Variants in FRMD6 observed in about 807,000 individuals in gnomAD.
FRMD6 encodes the protein FERM domain-containing protein 6.
A neutral mutation model predicts 73.2 loss-of-function variants in FRMD6; 37 were observed. The observed-to-expected ratio is 0.51, with a 90% confidence interval of 0.39 to 0.66. FRMD6 has a LOEUF of 0.66. Among genes scored for constraint, FRMD6 ranks in the 30% least tolerant of loss-of-function variants. FRMD6 has a pLI of 0.00. For missense variants in FRMD6, 714 were observed against 780.5 expected (o/e 0.91, Z 1.02); for synonymous variants, 273 against 282.2 (o/e 0.97, Z 0.33).
chr14:51,469,273 TA>T, the FRMD6 span, among the ~76,000 whole-genome samples: 4 of 151,176 alleles, frequency 2.6e-5, no homozygotes, highest in Admixed American at 2.6e-4. Flanking sequence ...TTTATTTATT[TA>T]TTTATTTTTT....
the FRMD6 span, among the ~76,000 whole-genome samples, chr14:51,459,882 C>CTTTTTTTTTTT: frequency 1.3e-4 from 3 of 23,430 alleles, no homozygotes; most frequent in African/African-American, 6.5e-4. Context: ...ATTACTGACT[C>CTTTTTTTTTTT]TCTTTTTTTT....
intron 1 of FRMD6, among the ~76,000 whole-genome samples, chr14:51,544,171 C>T (rs1174958625): frequency 3.9e-5 from 6 of 151,902 alleles, no homozygotes; most frequent in African/African-American, 1.4e-4. Context: ...TATGTAACTC[C>T]AACAGATAAG....
intron 11 of FRMD6, among the ~76,000 whole-genome samples, chr14:51,721,276 A>G (rs928438445): frequency 2.6e-5 from 4 of 152,230 alleles, no homozygotes; most frequent in Non-Finnish European, 5.9e-5. Flanking sequence ...TGGGCAAATT[A>G]TAGTATTAAA....
intron 1 of FRMD6, among the ~76,000 whole-genome samples, chr14:51,568,030 AT>A (rs1399679646): frequency 6.6e-6 from 1 of 152,258 alleles, no homozygotes; most frequent in African/African-American, 2.4e-5. Context: ...ACAAGTTAAC[AT>A]CTGTAGGCAT....
the FRMD6 span, among the ~76,000 whole-genome samples, chr14:51,440,645 T>C: frequency 0.55 from 82,942 of 151,934 alleles, 23,082 homozygotes; most frequent in East Asian, 0.68. Context: ...AAGGATGGGC[T>C]ATAGGACATA....
the FRMD6 span, among the ~76,000 whole-genome samples, chr14:51,428,137 C>G: frequency 2.0e-5 from 3 of 152,132 alleles, no homozygotes; most frequent in African/African-American, 4.8e-5. Flanking sequence ...CATACTCAAA[C>G]TTTTCAAGTG....
At chr14:51,521,722 A>G (rs1276473369) in intron 1 of FRMD6, among the ~76,000 whole-genome samples, 6 of 152,128 alleles carry the variant, frequency 3.9e-5, no homozygotes, top group Admixed American at 3.3e-4. Flanking sequence ...AGGCAGGAAA[A>G]AAAAAAAAGG....
chr14:51,677,428 G>A (rs1405640892), intron 1 of FRMD6, among the ~76,000 whole-genome samples: 2 of 151,944 alleles, frequency 1.3e-5, no homozygotes, highest in Non-Finnish European at 2.9e-5. Context: ...ATGAATGAGG[G>A]AATCAAAGAT....
chr14:51,698,092 G>A, intron 2 of FRMD6, 50 bp from the exon 3 acceptor site: 2 of 1,360,362 alleles, frequency 1.5e-6, no homozygotes, highest in Non-Finnish European at 2.1e-6. Flanking sequence ...TGGCTCCCTG[G>A]GTGGACTTAG....
chr14:51,547,603 G>A (rs1886548135), intron 1 of FRMD6: 1 of 152,198 alleles, frequency 6.6e-6, no homozygotes, highest in African/African-American at 2.4e-5. Context: ...GACGCTTATT[G>A]AGTATGGAGT....
intron 11 of FRMD6, 79 bp from the exon 12 acceptor site, chr14:51,721,870 C>A (rs1354833834): frequency 6.6e-7 from 1 of 1,505,942 alleles, no homozygotes; most frequent in Non-Finnish European, 9.1e-7. Flanking sequence ...ATTACATAGC[C>A]ACCCTCAAAA....
intron 2 of FRMD6, among the ~76,000 whole-genome samples, chr14:51,645,762 T>C (rs1308107712): frequency 1.3e-5 from 2 of 152,070 alleles, no homozygotes; most frequent in African/African-American, 2.4e-5. Context: ...GGATATCTTA[T>C]TTGTACTTTT....
chr14:51,476,048 A>C, the FRMD6 span, among the ~76,000 whole-genome samples: 1 of 152,172 alleles, frequency 6.6e-6, no homozygotes, highest in Admixed American at 6.5e-5. Context: ...AGAAAAGTAA[A>C]TGGTTCAACT....
chr14:51,420,443 A>G, the FRMD6 span, among the ~76,000 whole-genome samples: 3 of 152,234 alleles, frequency 2.0e-5, 1 homozygote, highest in South Asian at 4.1e-4. Flanking sequence ...AATGTCAGTG[A>G]TAACTTTTAA....
chr14:51,415,881 G>A, the FRMD6 span, among the ~76,000 whole-genome samples: 1 of 152,128 alleles, frequency 6.6e-6, no homozygotes, highest in Non-Finnish European at 1.5e-5. Context: ...TTTAGTCTTG[G>A]GAGAGTGTAC....
chr14:51,532,845 A>C (rs1177187593), intron 1 of FRMD6, among the ~76,000 whole-genome samples: 1 of 152,192 alleles, frequency 6.6e-6, no homozygotes, highest in Non-Finnish European at 1.5e-5. Flanking sequence ...AAGGAGACAG[A>C]GCTCAGTCCT....
intron 10 of FRMD6, 47 bp downstream of exon 10, chr14:51,715,546 T>G (rs374553910): frequency 2.6e-5 from 39 of 1,476,492 alleles, no homozygotes; most frequent in Non-Finnish European, 3.4e-5. Flanking sequence ...CTTTGCCACC[T>G]GTGGCCTCTT....
chr14:51,593,082 C>G (rs551902339), intron 2 of FRMD6, among the ~76,000 whole-genome samples: 2 of 152,206 alleles, frequency 1.3e-5, no homozygotes, highest in East Asian at 3.9e-4. Flanking sequence ...TAGTTTTTAC[C>G]TAAACCACCT....
chr14:51,443,291 A>G, the FRMD6 span, among the ~76,000 whole-genome samples: 2 of 152,258 alleles, frequency 1.3e-5, no homozygotes, highest in Non-Finnish European at 2.9e-5. Context: ...AGCACATGCT[A>G]GCCAGAAGAA....
Sources: allele counts gnomAD v4.1 joint callset (sites outside exome capture counted in the v4.1 genomes callset), GRCh38; gene constraint gnomAD v4.1.1; transcripts MANE v1.5; gene names NCBI Gene and HGNC (gene_info 2026-07-23, HGNC 2026-07-21).